Variants in HTT observed in about 807,000 individuals in gnomAD.
HTT encodes the protein huntington disease protein.
A neutral mutation model predicts 362.3 loss-of-function variants in HTT; 104 were observed. The observed-to-expected ratio is 0.29, with a 90% confidence interval of 0.24 to 0.34. The LOEUF is 0.34. Among genes scored for constraint, HTT ranks in the 10% least tolerant of loss-of-function variants. The pLI is 1.00. For synonymous variants in HTT, 1,577 were observed against 1,548.7 expected (o/e 1.02, Z -0.43); for missense variants, 3,301 against 3,928.6 (o/e 0.84, Z 4.27).
chr4:3,131,297 C>G lies in HTT; in HGVS notation c.1998C>G (p.Ile666Met). 1.9e-6 allele frequency: 3 copies of G among 1,612,614 alleles called. No individual in the cohort carries two copies. The highest frequency in any genetic ancestry group is 2.5e-6 in the Non-Finnish European group (3 of 1,178,694). ...PGDQENKPCR[I>M]KGDIGQSTDD... is the part of the protein sequence containing the mutation. ...TGTCTCCTTTCTAGCCTTGCCGCAT[C>G]AAAGGTGACATTGGACAGTCCACTG... is the stretch of plus-strand genomic sequence containing the variant. The change falls in exon 15 of 67, where the codon ATC (isoleucine) becomes ATG (methionine). Residue 666 changes from isoleucine (I) to methionine (M), a missense_variant. Physicochemically the swap from Ile to Met is conservative, Grantham distance 10. Coordinates refer to ENST00000355072, the MANE Select transcript of HTT (RefSeq NM_001388492.1).
intron 1 of HTT, among the ~76,000 whole-genome samples, chr4:3,075,492 G>C (rs1712474732): frequency 6.6e-6 from 1 of 152,168 alleles, no homozygotes; most frequent in South Asian, 2.1e-4. Context: ...TGGAGGAGCC[G>C]AGATTTGCTC....
At chr4:3,091,856 A>G (rs1413602887) in intron 2 of HTT, among the ~76,000 whole-genome samples, 1 of 152,178 alleles carries the variant, frequency 6.6e-6, no homozygotes, top group Non-Finnish European at 1.5e-5. Flanking sequence ...TTGGGAAAAT[A>G]TAAAGCTTTA....
intron 2 of HTT, among the ~76,000 whole-genome samples, chr4:3,095,859 GA>G (rs1161389181): frequency 6.6e-6 from 1 of 152,180 alleles, no homozygotes; most frequent in Non-Finnish European, 1.5e-5. Context: ...GCAAATAAAG[GA>G]AAGAAAGAGC....
chr4:3,154,777 A>G (rs1717063230), intron 27 of HTT, among the ~76,000 whole-genome samples: 1 of 151,830 alleles, frequency 6.6e-6, no homozygotes, highest in African/African-American at 2.4e-5. Context: ...GAATAGATGT[A>G]GTGAGTGAAA....
intron 52 of HTT, 29 bp from the exon 53 acceptor site, chr4:3,220,153 A>G (rs1404542713): frequency 6.2e-7 from 1 of 1,613,646 alleles, no homozygotes; most frequent in Admixed American, 1.7e-5. Context: ...CTCAACTCGG[A>G]TGATGTCACT....
intron 10 of HTT, among the ~76,000 whole-genome samples, chr4:3,124,471 T>C (rs1436080371): frequency 6.6e-6 from 1 of 152,142 alleles, no homozygotes; most frequent in African/African-American, 2.4e-5. Context: ...GGTAGAGTTG[T>C]GTTGGATATA....
At chr4:3,134,597 A>T in intron 19 of HTT, 57 bp downstream of exon 19, 1 of 1,463,740 alleles carries the variant, frequency 6.8e-7, no homozygotes, top group Non-Finnish European at 9.5e-7. Flanking sequence ...AAGTTCTGGG[A>T]TCACTTGATG....
chr4:3,238,736 A>ACCCCCCCC, intron 65 of HTT, 82 bp from the exon 66 acceptor site: 1 of 590,648 alleles, frequency 1.7e-6, no homozygotes, highest in South Asian at 2.0e-5. Flanking sequence ...TCTGGCCCCC[A>ACCCCCCCC]CCCCACCCCC....
intron 47 of HTT, among the ~76,000 whole-genome samples, chr4:3,210,612 G>C (rs922084279): frequency 5.9e-5 from 9 of 152,038 alleles, no homozygotes; most frequent in African/African-American, 2.2e-4. Flanking sequence ...TGAGCAGTGG[G>C]GGGGCCACCT....
intron 7 of HTT, 142 bp from the exon 8 acceptor site, chr4:3,115,943 C>G (rs1715000169): frequency 2.7e-6 from 2 of 749,356 alleles, no homozygotes; most frequent in Non-Finnish European, 4.6e-6. Context: ...GTAGCCATTC[C>G]CAGTGGGCCT....
At chr4:3,096,453 A>G (rs974421310) in intron 2 of HTT, among the ~76,000 whole-genome samples, 7 of 152,268 alleles carry the variant, frequency 4.6e-5, no homozygotes, top group African/African-American at 1.7e-4. Context: ...TTGCCAAGAT[A>G]GAGCAGATGC....
rs1476968519 is a variant in HTT at position 3,223,988 on chromosome 4, G to A, written c.7626-4G>A. On this transcript the variant is annotated splice_region_variant and splice_polypyrimidine_tract_variant and intron_variant, in intron 55 of 66. Transcript: ENST00000355072. The stretch of plus-strand genomic sequence containing the variant: ...ACACTCTTTACCTTTTTTCTAAAAT[G>A]TAGGTTTGGGAGGAAGCTGAGCATT... 1.2e-6 allele frequency: 2 copies of A among 1,611,906 alleles called. No homozygotes were observed. The highest frequency in any genetic ancestry group is 1.7e-6 in the Non-Finnish European group (2 of 1,179,360).
At chr4:3,109,318 C>G (rs1714608372) in intron 6 of HTT, among the ~76,000 whole-genome samples, 1 of 148,528 alleles carries the variant, frequency 6.7e-6, no homozygotes, top group African/African-American at 2.5e-5. Flanking sequence ...CCTCTGTCTC[C>G]CGGGTTCAAG....
intron 52 of HTT, among the ~76,000 whole-genome samples, chr4:3,219,562 G>C (rs1427302768): frequency 6.6e-6 from 1 of 152,118 alleles, no homozygotes; most frequent in Non-Finnish European, 1.5e-5. Context: ...TTATCATAGA[G>C]CCCCCTCTGC....
Position 3,224,080 on chromosome 4 carries a change from C to G in HTT, c.7714C>G (p.His2572Asp). 6.2e-7 allele frequency: 1 copy of G among 1,613,990 alleles called. No individual in the cohort carries two copies. The highest frequency in any genetic ancestry group is 8.5e-7 in the Non-Finnish European group (1 of 1,179,856). The change falls in exon 56 of 67, where the codon CAT becomes GAT. Residue 2572 changes from histidine (H) to aspartate (D), a missense_variant. His to Asp is a moderately conservative substitution (Grantham distance 81, BLOSUM62 -1). Transcript: ENST00000355072. ...VSKRENIATHHLYQAWDPVPS... is the reference protein window; with the variant it reads ...VSKRENIATHDLYQAWDPVPS... ...AAAGAGAGAGAATATTGCCACCCAT[C>G]ATTTATATCAGGCATGGGATCCTGT... is the stretch of plus-strand genomic sequence containing the variant.
At chr4:3,140,715 T>C (rs957456253) in intron 22 of HTT, 59 bp downstream of exon 22, 1 of 1,484,670 alleles carries the variant, frequency 6.7e-7, no homozygotes, top group Admixed American at 1.9e-5. Flanking sequence ...CTGATGCCTT[T>C]CTTTAGGCTT....
intron 62 of HTT, 58 bp from the exon 63 acceptor site, chr4:3,235,507 A>G (rs1475133488): frequency 2.3e-5 from 36 of 1,570,220 alleles, no homozygotes; most frequent in Non-Finnish European, 2.9e-5. Flanking sequence ...GGGAGGAGGC[A>G]TGAACACCTG....
rs116348094 is a variant in HTT, at chr4:3,091,602, C to T, written c.347+4580C>T. Among the ~76,000 whole-genome samples the T allele has an allele frequency of 8.0e-3, 1,222 of 152,278 alleles. 20 individuals carry two copies. The highest frequency in any genetic ancestry group is 0.028 in the African/African-American group (1,148 of 41,540). Reference sequence around the variant, plus strand: ...TAAATATCGTTAAGAAAAACACTGTCGACCTGTCGGCACCTTGTTCTCCGA... The same window carrying T: ...TAAATATCGTTAAGAAAAACACTGTTGACCTGTCGGCACCTTGTTCTCCGA... On this transcript the variant is annotated intron_variant, in intron 2 of 66. Coordinates refer to ENST00000355072, the MANE Select transcript of HTT (RefSeq NM_001388492.1).
chr4:3,209,471 T>C (rs1408687864), intron 46 of HTT, among the ~76,000 whole-genome samples: 1 of 152,222 alleles, frequency 6.6e-6, no homozygotes, highest in East Asian at 1.9e-4. Context: ...CTTCTTAGGC[T>C]CTATTCGCTA....
Sources: gnomAD v4.1 joint callset for allele counts (sites outside exome capture counted in the v4.1 genomes callset) on GRCh38, gnomAD v4.1.1 for gene constraint, MANE v1.5 for transcripts, NCBI Gene and HGNC (gene_info 2026-07-23, HGNC 2026-07-21) for gene names.